PTPRF: variants seen among roughly 807,000 people sequenced by gnomAD.
PTPRF encodes protein tyrosine phosphatase receptor type F, also known as receptor-type tyrosine-protein phosphatase F.
A neutral mutation model predicts 201.8 loss-of-function variants in PTPRF; 59 were observed. That is an observed-to-expected ratio of 0.29 (90% confidence interval 0.24 to 0.36). The LOEUF is 0.36. Ranked by LOEUF, PTPRF falls within the 10% of genes least tolerant of loss-of-function variation. PTPRF has a pLI of 1.00. For missense variants in PTPRF, 2,132 were observed against 2,690.5 expected, an observed-to-expected ratio of 0.79 and a Z score of 4.59; for synonymous variants, 1,088 against 1,089.7, an observed-to-expected ratio of 1.00 and a Z score of 0.03.
chr1:43,541,637 C>T (rs114645329), intron 2 of PTPRF, among the ~76,000 whole-genome samples: 4,358 of 152,268 alleles, frequency 0.029, 83 homozygotes, highest in Non-Finnish European at 0.04. Context: ...ATCTGCTGTC[C>T]CCATCATTTC....
At chr1:43,597,026 A>G (rs1652441074) in intron 11 of PTPRF, among the ~76,000 whole-genome samples, 1 of 151,956 alleles carries the variant, frequency 6.6e-6, no homozygotes, top group African/African-American at 2.4e-5. Flanking sequence ...AGACACCAAG[A>G]CAGTATATGT....
At chr1:43,592,006 G>A (rs1405283513) in intron 10 of PTPRF, 58 bp downstream of exon 10, 12 of 1,603,060 alleles carry the variant, frequency 7.5e-6, no homozygotes, top group Non-Finnish European at 1.0e-5. Context: ...GGTCTGTGAT[G>A]GGCTTAACCC....
chr1:43,532,618 G>A (rs1643693737), intron 1 of PTPRF: 1 of 174,598 alleles, frequency 5.7e-6, no homozygotes, highest in Non-Finnish European at 1.3e-5. Context: ...TCCTTTGGGA[G>A]GCTTCGGGGA....
intron 22 of PTPRF, 68 bp from the exon 23 acceptor site, chr1:43,613,550 G>T: frequency 7.7e-7 from 1 of 1,303,126 alleles, no homozygotes; most frequent in Non-Finnish European, 1.1e-6. Context: ...TACATGCGTT[G>T]GGGCTTTCTC....
Position 43,588,372 on chromosome 1 carries a change from G to T in PTPRF, c.680-359G>T, listed in dbSNP as rs1441336810. Among the ~76,000 whole-genome samples the T allele has an allele frequency of 6.6e-6, 1 of 152,204 alleles. No homozygotes were observed. Among genetic ancestry groups the T allele is most frequent in the African/African-American group, 2.4e-5 (1 of 41,452 alleles). On this transcript the variant is annotated intron_variant, in intron 7 of 33. Transcript: ENST00000359947. The surrounding 1 kb of genome is among the most constrained non-coding windows in gnomAD (Gnocchi z 5.3). ...AGAGATAGGCCCTGGAGAACACCCT[G>T]GGTTGTGGTCCTGACCAGGCCTGGA...
At chr1:43,589,985 G>A (rs768861072) in intron 8 of PTPRF, among the ~76,000 whole-genome samples, 4 of 152,162 alleles carry the variant, frequency 2.6e-5, no homozygotes, top group Non-Finnish European at 5.9e-5. Context: ...AGGATCAAGT[G>A]ACTCCCTTTT....
At chr1:43,590,913 G>C in intron 8 of PTPRF, 59 bp from the exon 9 acceptor site, 2 of 1,449,940 alleles carry the variant, frequency 1.4e-6, no homozygotes, top group East Asian at 4.6e-5. Context: ...CCCAAGTCTA[G>C]GGTTGGTTCC....
chr1:43,592,944 G>A (rs547774565), intron 11 of PTPRF, among the ~76,000 whole-genome samples: 3 of 152,244 alleles, frequency 2.0e-5, no homozygotes, highest in South Asian at 2.1e-4. Context: ...GGCCATCCTC[G>A]GTGGGTCTGC....
At chr1:43,550,064 A>T (rs959068270) in intron 3 of PTPRF, among the ~76,000 whole-genome samples, 1 of 142,406 alleles carries the variant, frequency 7.0e-6, no homozygotes, top group Non-Finnish European at 1.5e-5. Context: ...GGTGGATTGG[A>T]GGGAAGCGGA....
At chr1:43,619,648 G>A (rs1214599333) in intron 28 of PTPRF, 32 bp from the exon 29 acceptor site, 1 of 1,612,396 alleles carries the variant, frequency 6.2e-7, no homozygotes, top group Non-Finnish European at 8.5e-7. Flanking sequence ...CCCACAGGAA[G>A]CCTGGCCTGA....
upstream of PTPRF, among the ~76,000 whole-genome samples, chr1:43,523,868 C>T (rs1437059236): frequency 3.4e-5 from 5 of 148,284 alleles, no homozygotes; most frequent in African/African-American, 7.5e-5. Context: ...GCCAACATGG[C>T]GAATCCCCTA....
intron 1 of PTPRF, among the ~76,000 whole-genome samples, chr1:43,535,410 G>A (rs1643940822): frequency 6.6e-6 from 1 of 152,140 alleles, no homozygotes; most frequent in African/African-American, 2.4e-5. Context: ...GGCTCTTTCT[G>A]CCACCATCTG....
At chr1:43,605,752 G>A in intron 19 of PTPRF, 130 bp downstream of exon 19, 1 of 886,812 alleles carries the variant, frequency 1.1e-6, no homozygotes. Context: ...CTGGCTGGCA[G>A]CCCGCCCCTC....
In PTPRF at chr1:43,603,746, C is replaced by A; in HGVS notation, c.2594C>A (p.Pro865His). ...LQYCRADEAR[P>H]NTIDFGKDDQ... Reference sequence around the variant, plus strand: ...TACTGCCGGGCCGACGAGGCGCGGCCCAACACCATAGATTTCGGCAAGGAT... The same window carrying A: ...TACTGCCGGGCCGACGAGGCGCGGCACAACACCATAGATTTCGGCAAGGAT... Residue 865 changes from proline to histidine, a missense_variant, in exon 16 of 34, where the codon CCC (proline) becomes CAC (histidine). Around this residue, in one of 6 missense-constraint regions of PTPRF, gnomAD observed 818 missense variants for 915.3 expected, o/e 0.89. Transcript: ENST00000359947. The surrounding 1 kb of genome is among the most constrained non-coding windows in gnomAD (Gnocchi z 5.8). The A allele has an allele frequency of 6.2e-7, 1 of 1,613,954 alleles. No individual in the cohort carries two copies. The highest frequency in any genetic ancestry group is 8.5e-7 in the Non-Finnish European group (1 of 1,180,044).
chr1:43,553,262 T>C lies in PTPRF; in HGVS notation c.92-230T>C, dbSNP rs1379137522. 6.6e-6 allele frequency among the ~76,000 whole-genome samples: 1 copy of C among 152,222 alleles called. No homozygotes were observed. Among genetic ancestry groups the C allele is most frequent in the Non-Finnish European group, 1.5e-5 (1 of 68,044 alleles). On this transcript the variant is annotated intron_variant, in intron 3 of 33. Coordinates refer to ENST00000359947, the MANE Select transcript of PTPRF (RefSeq NM_002840.5). This position sits in a 1 kb window ranked among gnomAD's most constrained non-coding sequence, Gnocchi z 4.1. ...TATGGGACAAATCCCTTAACCTCTC[T>C]GGGCCTCTAGAAACAGATACAGTTA...
At position 43,560,793 on chromosome 1, in the gene PTPRF, C is replaced by T. The variant is rs1645753153; in HGVS notation, c.379+6852C>T. 2.0e-5 allele frequency among the ~76,000 whole-genome samples: 3 copies of T among 152,162 alleles called. No individual in the cohort carries two copies. In the South Asian group the frequency reaches 6.2e-4, roughly 31 times the overall value. Reference sequence around the variant, plus strand: ...GGGGTGCACCAGATAGGGATCCTGCCCAGACCTGCCTGCAGGAGGTCTTGG... The same window carrying T: ...GGGGTGCACCAGATAGGGATCCTGCTCAGACCTGCCTGCAGGAGGTCTTGG... On this transcript the variant is annotated intron_variant, in intron 5 of 33. Coordinates refer to ENST00000359947, the MANE Select transcript of PTPRF (RefSeq NM_002840.5).
At chr1:43,530,089 C>T (rs901023706), upstream of PTPRF, among the ~76,000 whole-genome samples, 1 of 151,890 alleles carries the variant, frequency 6.6e-6, no homozygotes, top group African/African-American at 2.4e-5. This position sits in a 1 kb window ranked among gnomAD's most constrained non-coding sequence, Gnocchi z 4.1. Context: ...ATTATTAAAG[C>T]TGGGTTGGTT....
At position 43,593,038 on chromosome 1, in the gene PTPRF, A is replaced by G. The variant is rs111721963; in HGVS notation, c.1813+437A>G. ...CCCCATCACCCACATTCCCTTCCTC[A>G]TACTCCCCATGAAAGTTACCTGAGA... is the stretch of plus-strand genomic sequence containing the variant. On this transcript the variant is annotated intron_variant, in intron 11 of 33. Coordinates refer to ENST00000359947, the MANE Select transcript of PTPRF (RefSeq NM_002840.5). Among the ~76,000 whole-genome samples, 10 of 151,752 alleles carry G rather than the reference A, an allele frequency of 6.6e-5. 2 individuals carry two copies. Among genetic ancestry groups the G allele is most frequent in the African/African-American group, 2.4e-4 (10 of 41,334 alleles).
Position 43,620,485 on chromosome 1 carries a change from G to A in PTPRF, c.5270G>A (p.Arg1757His), listed in dbSNP as rs372799990. ...EKCHQYWPAE[R>H]SARYQYFVVD... ...TGCCACCAGTACTGGCCAGCAGAGCGCTCTGCTCGCTACCAGTACTTTGTT... is the reference window on the plus strand; with the variant it reads ...TGCCACCAGTACTGGCCAGCAGAGCACTCTGCTCGCTACCAGTACTTTGTT... The change falls in exon 31 of 34, where the codon CGC (arginine) becomes CAC (histidine). Residue 1757 changes from arginine to histidine, a missense_variant. By Grantham distance (29) the Arg-to-His change is conservative. This residue lies in a region of PTPRF where 519 missense variants were observed against 659.5 expected (regional missense o/e 0.79). Transcript: ENST00000359947. The A allele has an allele frequency of 2.7e-5, 44 of 1,613,070 alleles. No individual in the cohort carries two copies. The highest frequency in any genetic ancestry group is 5.5e-5 in the South Asian group (5 of 91,060).
Sources: allele counts gnomAD v4.1 joint callset (sites outside exome capture counted in the v4.1 genomes callset), GRCh38; gene constraint gnomAD v4.1.1; regional missense constraint gnomAD v4.1.1; non-coding constraint Gnocchi (gnomAD v3.1); transcripts MANE v1.5; gene names NCBI Gene and HGNC (gene_info 2026-07-23, HGNC 2026-07-21).